Variants in CCDC171 observed in about 807,000 individuals in gnomAD.
The protein encoded by CCDC171 is coiled-coil domain-containing protein 171.
CCDC171 carries 177 observed loss-of-function variants against 168.2 expected under a neutral mutation model. That is an observed-to-expected ratio of 1.05 (90% CI 0.93 to 1.19). CCDC171 has a LOEUF of 1.19. Ranked by LOEUF, CCDC171 falls within the 50% of genes most tolerant of loss-of-function variation. The pLI is 0.00. For synonymous variants in CCDC171, 687 were observed against 540.8 expected, an observed-to-expected ratio of 1.27 and a Z score of -3.75; for missense variants, 1,991 against 1,539.0, an observed-to-expected ratio of 1.29 and a Z score of -4.91.
At chr9:16,031,069 A>G (rs1488559450) in intron 6 of CCDC171, among the ~76,000 whole-genome samples, 1 of 152,150 alleles carries the variant, frequency 6.6e-6, no homozygotes, top group African/African-American at 2.4e-5. Context: ...CTTAGGCAAC[A>G]TGGCCATGAA....
chr9:15,681,660 C>T (rs139868754), intron 10 of CCDC171, among the ~76,000 whole-genome samples: 538 of 151,698 alleles, frequency 3.5e-3, no homozygotes, highest in African/African-American at 0.012. Context: ...TGACTTTTCT[C>T]GGTAGATTAG....
At chr9:15,741,707 T>G (rs1445913376) in intron 16 of CCDC171, among the ~76,000 whole-genome samples, 1 of 152,234 alleles carries the variant, frequency 6.6e-6, no homozygotes, top group African/African-American at 2.4e-5. Flanking sequence ...GATCAAATTT[T>G]CTACAAATGG....
chr9:15,745,852 A>AT (rs2134681566), intron 18 of CCDC171, among the ~76,000 whole-genome samples: 1 of 152,246 alleles, frequency 6.6e-6, no homozygotes, highest in Admixed American at 6.5e-5. Flanking sequence ...TGGTGAATGT[A>AT]TCCACCTTTT....
intron 24 of CCDC171, among the ~76,000 whole-genome samples, chr9:15,900,584 T>C (rs1163765636): frequency 6.6e-6 from 1 of 152,182 alleles, no homozygotes; most frequent in Non-Finnish European, 1.5e-5. Flanking sequence ...TAAATTTGTG[T>C]TGTTCTAAGC....
intron 25 of CCDC171, among the ~76,000 whole-genome samples, chr9:15,938,514 T>A (rs1384097547): frequency 6.6e-6 from 1 of 151,944 alleles, no homozygotes; most frequent in Non-Finnish European, 1.5e-5. Flanking sequence ...TAAGGCCTTT[T>A]ACCTAGAACA....
At chr9:15,743,002 C>G (rs987645950) in intron 16 of CCDC171, among the ~76,000 whole-genome samples, 3 of 151,884 alleles carry the variant, frequency 2.0e-5, no homozygotes, top group African/African-American at 7.3e-5. Flanking sequence ...TGGTCCTAAA[C>G]TCCTGCCCTC....
chr9:15,651,660 T>C (rs1011161771), intron 7 of CCDC171, among the ~76,000 whole-genome samples: 3 of 152,196 alleles, frequency 2.0e-5, no homozygotes, highest in Non-Finnish European at 2.9e-5. Flanking sequence ...GTTCCATTCA[T>C]ATTGCTGCAA....
chr9:16,108,350 C>T, the CCDC171 span, among the ~76,000 whole-genome samples: 1 of 152,218 alleles, frequency 6.6e-6, no homozygotes, highest in Admixed American at 6.5e-5. Flanking sequence ...TATTAACCAC[C>T]TACCACTTAA....
chr9:15,819,351 C>T lies in CCDC171; in HGVS notation c.3268-27351C>T. On this transcript the variant is annotated intron_variant, in intron 21 of 25. Transcript: ENST00000380701. ...CAGATTCACACATAACAATATTAAC[C>T]TTAAATGTAAATGGGCTAAATGCTC... Among the ~76,000 whole-genome samples, 4 of 117,164 alleles carry T rather than the reference C, an allele frequency of 3.4e-5. 2 individuals are homozygous for T. The highest frequency in any genetic ancestry group is 7.7e-5 in the Non-Finnish European group (4 of 52,246). The allele number at this position is 117,164 out of a possible 152,430, so 76.9% of individuals were successfully genotyped here. A position where few individuals can be genotyped will look rare whatever the true frequency, so the allele number is the denominator to read the frequency against.
At chr9:15,837,196 A>T (rs1472052666) in intron 21 of CCDC171, among the ~76,000 whole-genome samples, 4 of 152,166 alleles carry the variant, frequency 2.6e-5, no homozygotes, top group Non-Finnish European at 4.4e-5. Flanking sequence ...ATATGTACTC[A>T]GTGTCCACCA....
At chr9:15,801,211 C>G (rs2058805351) in intron 21 of CCDC171, among the ~76,000 whole-genome samples, 1 of 151,862 alleles carries the variant, frequency 6.6e-6, no homozygotes, top group Non-Finnish European at 1.5e-5. Flanking sequence ...GTAGTATGGA[C>G]ATTTTAACAA....
intron 18 of CCDC171, among the ~76,000 whole-genome samples, chr9:15,773,614 A>G (rs2057128532): frequency 6.6e-6 from 1 of 152,204 alleles, no homozygotes; most frequent in South Asian, 2.1e-4. Flanking sequence ...ACAACAGTCT[A>G]GACAAGTATA....
At chr9:15,824,174 C>G (rs2059915263) in intron 21 of CCDC171, among the ~76,000 whole-genome samples, 2 of 151,890 alleles carry the variant, frequency 1.3e-5, no homozygotes, top group Non-Finnish European at 2.9e-5. Context: ...AATCATGTAT[C>G]TATGTTTATC....
intron 7 of CCDC171, among the ~76,000 whole-genome samples, chr9:15,637,812 T>A (rs1169353111): frequency 6.6e-6 from 1 of 152,140 alleles, no homozygotes; most frequent in Non-Finnish European, 1.5e-5. Flanking sequence ...TCATTTTTTA[T>A]GGCTGCATAG....
chr9:15,633,274 C>G (rs1261896057), intron 7 of CCDC171, among the ~76,000 whole-genome samples: 1 of 152,150 alleles, frequency 6.6e-6, no homozygotes, highest in African/African-American at 2.4e-5. Flanking sequence ...ACCTACTCAT[C>G]TGACAAAGGG....
intron 10 of CCDC171, among the ~76,000 whole-genome samples, chr9:15,689,725 G>A (rs957530692): frequency 2.0e-5 from 3 of 151,868 alleles, no homozygotes; most frequent in African/African-American, 7.3e-5. Flanking sequence ...GAAATATAAG[G>A]GACTATGAAT....
At chr9:15,947,249 A>C (rs1379107098) in intron 25 of CCDC171, among the ~76,000 whole-genome samples, 2 of 151,962 alleles carry the variant, frequency 1.3e-5, no homozygotes, top group African/African-American at 2.4e-5. Flanking sequence ...GACGTTAAAA[A>C]CTTATAGGGT....
At chr9:15,922,461 G>C (rs1330530309) in intron 25 of CCDC171, among the ~76,000 whole-genome samples, 1 of 151,600 alleles carries the variant, frequency 6.6e-6, no homozygotes, top group Non-Finnish European at 1.5e-5. Flanking sequence ...CATGGGCTTT[G>C]GAGGTATATC....
intron 10 of CCDC171, among the ~76,000 whole-genome samples, chr9:15,683,866 G>A (rs946151849): frequency 6.6e-6 from 1 of 152,042 alleles, no homozygotes; most frequent in Admixed American, 6.6e-5. Context: ...TTGAAAGGTA[G>A]CGTCTACTGA....
Sources: gnomAD v4.1 joint callset for allele counts (sites outside exome capture counted in the v4.1 genomes callset) on GRCh38, gnomAD v4.1.1 for gene constraint, MANE v1.5 for transcripts, NCBI Gene and HGNC (gene_info 2026-07-23, HGNC 2026-07-21) for gene names.